The following PPP3CA variants were observed in gnomAD, a reference collection of about 807,000 sequenced individuals.
PPP3CA encodes the protein CAM-PRP catalytic subunit.
A neutral mutation model predicts 66.5 loss-of-function variants in PPP3CA; 14 were observed. The observed-to-expected ratio is 0.21, with a 90% CI of 0.14 to 0.33. PPP3CA has a LOEUF of 0.33. PPP3CA is among the 10% of genes least tolerant of loss of function. The pLI, the probability that PPP3CA is intolerant of heterozygous loss-of-function variation, is 1.00. For missense variants in PPP3CA, 317 were observed against 639.5 expected (o/e 0.50, Z 5.44); for synonymous variants, 232 against 226.2 (o/e 1.03, Z -0.23).
At position 101,187,647 on chromosome 4, in the gene PPP3CA, G is replaced by A. The variant is rs1260043484; in HGVS notation, c.259+8269C>T. Reference sequence around the variant, plus strand: ...AAACATAAGAAAGAGAATTTCAAATGAATAATGTGTTTCATGCTTGATTAT... The same window carrying A: ...AAACATAAGAAAGAGAATTTCAAATAAATAATGTGTTTCATGCTTGATTAT... On this transcript the variant is annotated intron_variant, in intron 2 of 13. Transcript: ENST00000394854. Among the ~76,000 whole-genome samples the A allele has an allele frequency of 2.0e-5, 3 of 152,128 alleles. No individual in the cohort carries two copies. In the East Asian group the frequency reaches 5.8e-4, roughly 29 times the overall value.
intron 1 of PPP3CA, among the ~76,000 whole-genome samples, chr4:101,224,872 C>T (rs561799694): frequency 6.6e-5 from 10 of 151,724 alleles, no homozygotes; most frequent in African/African-American, 2.4e-4. Flanking sequence ...AAAGCCAAAG[C>T]CCTCACAAGG....
At chr4:101,167,813 T>C (rs2110312464) in intron 2 of PPP3CA, among the ~76,000 whole-genome samples, 1 of 151,808 alleles carries the variant, frequency 6.6e-6, no homozygotes, top group South Asian at 2.1e-4. Flanking sequence ...AGAACATGTG[T>C]GAGAAAGAGA....
intron 11 of PPP3CA, among the ~76,000 whole-genome samples, chr4:101,039,768 A>T (rs10034707): frequency 0.04 from 5,759 of 144,162 alleles, 925 homozygotes; most frequent in Non-Finnish European, 0.054. Context: ...AAATTATCCA[A>T]TTGTAGATGT....
chr4:101,218,844 T>C (rs1725533550), intron 1 of PPP3CA, among the ~76,000 whole-genome samples: 1 of 152,036 alleles, frequency 6.6e-6, no homozygotes, highest in Non-Finnish European at 1.5e-5. Flanking sequence ...ATACACATTT[T>C]CAAAAGTCTT....
chr4:101,294,051 C>T (rs1195443709), intron 1 of PPP3CA, among the ~76,000 whole-genome samples: 6 of 152,060 alleles, frequency 3.9e-5, no homozygotes, highest in East Asian at 3.9e-4. Context: ...AACAATGATC[C>T]GCTTTTTTAG....
intron 2 of PPP3CA, among the ~76,000 whole-genome samples, chr4:101,119,455 G>A (rs753306273): frequency 1.3e-5 from 2 of 151,774 alleles, no homozygotes; most frequent in African/African-American, 2.4e-5. Context: ...TGGAAGTGAC[G>A]GAGTAAACAG....
intron 8 of PPP3CA, among the ~76,000 whole-genome samples, chr4:101,069,445 C>T (rs1423979697): frequency 6.6e-6 from 1 of 152,192 alleles, no homozygotes; most frequent in Non-Finnish European, 1.5e-5. Flanking sequence ...ATGCATCCTT[C>T]ATAGTACCTA....
chr4:101,140,465 A>G (rs1308512743), intron 2 of PPP3CA, among the ~76,000 whole-genome samples: 1 of 152,180 alleles, frequency 6.6e-6, no homozygotes, highest in African/African-American at 2.4e-5. Flanking sequence ...CCTCAGCAGC[A>G]CTTAGAAGAT....
At chr4:101,203,031 T>C (rs762466122) in intron 1 of PPP3CA, among the ~76,000 whole-genome samples, 2 of 152,194 alleles carry the variant, frequency 1.3e-5, no homozygotes, top group Admixed American at 1.3e-4. Context: ...AATAGTATCT[T>C]ACATAACATA....
chr4:101,098,597 T>A, intron 4 of PPP3CA, 85 bp from the exon 5 acceptor site: 3 of 1,288,090 alleles, frequency 2.3e-6, no homozygotes, highest in Non-Finnish European at 3.2e-6. Flanking sequence ...AGAAGTTTTC[T>A]TGCTAGGACC....
chr4:101,275,463 T>C (rs1242713556), intron 1 of PPP3CA, among the ~76,000 whole-genome samples: 1 of 152,196 alleles, frequency 6.6e-6, no homozygotes, highest in Non-Finnish European at 1.5e-5. Flanking sequence ...ACCACCCATA[T>C]TCCTTGAGAG....
chr4:101,303,784 C>T (rs1728452497), intron 1 of PPP3CA, among the ~76,000 whole-genome samples: 1 of 152,094 alleles, frequency 6.6e-6, no homozygotes, highest in South Asian at 2.1e-4. Flanking sequence ...TGTCAACTAT[C>T]TGATATTCTT....
At chr4:101,298,324 T>C (rs182846442) in intron 1 of PPP3CA, among the ~76,000 whole-genome samples, 2 of 148,060 alleles carry the variant, frequency 1.4e-5, no homozygotes, top group Non-Finnish European at 2.9e-5. Flanking sequence ...TAACAATACC[T>C]ATACCAAGCA....
chr4:101,040,395 T>C, intron 11 of PPP3CA, 87 bp downstream of exon 11: 1 of 924,104 alleles, frequency 1.1e-6, no homozygotes, highest in Non-Finnish European at 1.5e-6. Flanking sequence ...TAGTAAAATA[T>C]TTAAATTACC....
chr4:101,273,296 C>CT lies in PPP3CA; in HGVS notation c.58+73442dup, dbSNP rs879289931. Among the ~76,000 whole-genome samples the CT allele has an allele frequency of 1.0e-2, 1,461 of 146,434 alleles. 12 individuals are homozygous for CT. The highest frequency in any genetic ancestry group is 0.027 in the African/African-American group (1,096 of 40,294). ...TAATAAAAGAAAATAATTAAAATTA[C>CT]TTTTTTTTTTTTTGAGATGGAGTCT... On this transcript the variant is annotated intron_variant, in intron 1 of 13. Transcript: ENST00000394854.
intron 4 of PPP3CA, among the ~76,000 whole-genome samples, chr4:101,098,798 G>A (rs942437893): frequency 6.6e-6 from 1 of 151,848 alleles, no homozygotes; most frequent in Non-Finnish European, 1.5e-5. Context: ...ATCTGCAGAC[G>A]TCTCACCAAA....
chr4:101,058,087 G>A (rs1384480740), intron 10 of PPP3CA, among the ~76,000 whole-genome samples: 1 of 152,012 alleles, frequency 6.6e-6, no homozygotes, highest in Non-Finnish European at 1.5e-5. Context: ...ACATACTACT[G>A]GTTAAGTGAG....
chr4:101,098,917 G>T (rs1730319639), intron 4 of PPP3CA, among the ~76,000 whole-genome samples: 1 of 152,020 alleles, frequency 6.6e-6, no homozygotes. Flanking sequence ...TCCTAAAGCT[G>T]TTTCTATCTT....
intron 1 of PPP3CA, among the ~76,000 whole-genome samples, chr4:101,293,687 A>G (rs1331457431): frequency 1.3e-5 from 2 of 152,206 alleles, no homozygotes; most frequent in East Asian, 3.8e-4. Context: ...AGACATCCAG[A>G]GGCCCACGCC....
Sources: gnomAD v4.1 joint callset for allele counts (sites outside exome capture counted in the v4.1 genomes callset) on GRCh38, gnomAD v4.1.1 for gene constraint, MANE v1.5 for transcripts, NCBI Gene and HGNC (gene_info 2026-07-23, HGNC 2026-07-21) for gene names.